The following ITGAX variants were observed in gnomAD, a reference collection of about 807,000 sequenced individuals.
The protein encoded by ITGAX is integrin alpha-X.
ITGAX carries 99 observed loss-of-function variants against 140.2 expected under a neutral mutation model. The observed-to-expected ratio is 0.71, with a 90% CI of 0.60 to 0.83. The LOEUF is 0.83. ITGAX is among the 40% of genes least tolerant of loss of function. The pLI, the probability that ITGAX is intolerant of heterozygous loss-of-function variation, is 0.00. For synonymous variants in ITGAX, 631 were observed against 600.4 expected (o/e 1.05, Z -0.75); for missense variants, 1,444 against 1,482.0 (o/e 0.97, Z 0.42).
chr16:31,372,482 CG>C lies in ITGAX; in HGVS notation c.2266del (p.Asp756MetfsTer35), dbSNP rs1567304903. ...FRNLRPMLAA[D>X]AQRYFTASLP... ...GAAACCTGCGGCCTATGCTGGCCGC[CG>C]ATGCTCAGAGATACTTCACGGCCTC... On this transcript the variant is annotated frameshift_variant, in exon 18 of 30. Coordinates refer to ENST00000268296, the MANE Select transcript of ITGAX (RefSeq NM_000887.5). LOFTEE classifies it high-confidence loss of function. The C allele has an allele frequency of 2.5e-6, 4 of 1,607,674 alleles. No homozygotes were observed. The highest frequency in any genetic ancestry group is 3.4e-6 in the Non-Finnish European group (4 of 1,178,428).
At chr16:31,380,775 T>A in intron 28 of ITGAX, 122 bp from the exon 29 acceptor site, 1 of 1,253,848 alleles carries the variant, frequency 8.0e-7, no homozygotes, top group Non-Finnish European at 1.2e-6. Flanking sequence ...GGTGCTGCTG[T>A]GTCTCACCTC....
At chr16:31,356,787 G>GAA in intron 3 of ITGAX, 59 bp downstream of exon 3, 1 of 1,284,438 alleles carries the variant, frequency 7.8e-7, no homozygotes, top group Non-Finnish European at 1.1e-6. Context: ...CTGCTCCAGG[G>GAA]GCCCGTGGAC....
At position 31,382,244 on chromosome 16, in the gene ITGAX, C is replaced by CTTTTTTTTTTTTTTTTTTTTTTTTTT; in HGVS notation, c.*341_*342insTTTTTTTTTTTTTTTTTTTTTTTTTT. 1.2e-6 allele frequency: 1 copy of CTTTTTTTTTTTTTTTTTTTTTTTTTT among 817,830 alleles called. No homozygotes were observed. The allele number at this position is 817,830 out of a possible 1,614,324, so 50.7% of individuals were successfully genotyped here. ...CTTTCCTTTCTTTTTTTTTTTTTTTCTTTTCTTTTTTTTTTTTTTGAGACG... is the reference window on the plus strand; with the variant it reads ...CTTTCCTTTCTTTTTTTTTTTTTTTCTTTTTTTTTTTTTTTTTTTTTTTTTTTTTTCTTTTTTTTTTTTTTGAGACG... On this transcript the variant is annotated 3_prime_UTR_variant, in exon 30 of 30. Transcript: ENST00000268296.
intron 20 of ITGAX, among the ~76,000 whole-genome samples, chr16:31,375,495 G>A (rs866324963): frequency 1.3e-5 from 2 of 152,180 alleles, no homozygotes; most frequent in Non-Finnish European, 2.9e-5. Flanking sequence ...GCGGTAATCT[G>A]TTATAGCAGC....
chr16:31,362,305 G>T (rs1441014671), intron 11 of ITGAX, 101 bp downstream of exon 11: 449 of 1,537,968 alleles, frequency 2.9e-4, no homozygotes, highest in South Asian at 1.5e-3. Flanking sequence ...TGCCCAGGGT[G>T]GGGTCCAGGC....
intron 5 of ITGAX, chr16:31,357,897 A>T (rs554142434): frequency 9.2e-6 from 2 of 218,086 alleles, no homozygotes; most frequent in Non-Finnish European, 1.8e-5. Context: ...GTGTGCATGT[A>T]TGTGTGTGTG....
intron 28 of ITGAX, 91 bp downstream of exon 28, chr16:31,380,715 G>C (rs575381471): frequency 4.5e-5 from 69 of 1,522,640 alleles, no homozygotes; most frequent in African/African-American, 2.2e-4. Flanking sequence ...GCAAGCCTTG[G>C]GGGAGGAGGG....
rs372710692 is a variant in ITGAX, at chr16:31,376,996, T to A, written c.2626-4T>A. 5.0e-5 allele frequency: 80 copies of A among 1,614,052 alleles called. No individual in the cohort carries two copies. The highest frequency in any genetic ancestry group is 6.7e-5 in the Non-Finnish European group (79 of 1,180,020). ...TCTGTGACCTCTCAGTTCCTTTTCC[T>A]CAGATCACCTTCTTGGCTACCTTTG... On this transcript the variant is annotated splice_polypyrimidine_tract_variant and splice_region_variant and intron_variant, in intron 21 of 29. Coordinates refer to ENST00000268296, the MANE Select transcript of ITGAX (RefSeq NM_000887.5).
chr16:31,373,352 C>A lies in ITGAX; in HGVS notation c.2470C>A (p.Pro824Thr). ...SYGTTITFSHPAGLSYRYVAE... is the reference protein window; with the variant it reads ...SYGTTITFSHTAGLSYRYVAE... ...CGGAACCACCATCACCTTCTCCCAC[C>A]CCGCAGGACTGTCCTACCGCTACGT... The change falls in exon 20 of 30, where the codon CCC becomes ACC. Residue 824 changes from proline (P) to threonine (T), a missense_variant. By Grantham distance (38) the Pro-to-Thr change is conservative. Coordinates refer to ENST00000268296, the MANE Select transcript of ITGAX (RefSeq NM_000887.5). 6.2e-7 allele frequency: 1 copy of A among 1,613,490 alleles called. No individual in the cohort carries two copies. Among genetic ancestry groups the A allele is most frequent in the Non-Finnish European group, 8.5e-7 (1 of 1,179,958 alleles).
chr16:31,363,523 T>G, intron 14 of ITGAX, 149 bp downstream of exon 14: 2 of 872,464 alleles, frequency 2.3e-6, no homozygotes, highest in East Asian at 2.6e-5. Flanking sequence ...CTCAGCTCAC[T>G]GCAACCTCCG....
At chr16:31,369,233 G>C (rs2080927504) in intron 14 of ITGAX, among the ~76,000 whole-genome samples, 1 of 150,598 alleles carries the variant, frequency 6.6e-6, no homozygotes, top group South Asian at 2.2e-4. Flanking sequence ...GGCCGGGCGG[G>C]GGGCTGACCC....
chr16:31,372,163 T>C (rs1188062716), intron 17 of ITGAX, among the ~76,000 whole-genome samples: 4 of 121,042 alleles, frequency 3.3e-5, no homozygotes, highest in Non-Finnish European at 5.2e-5. Context: ...GATCGGGAGG[T>C]CTGGGGGGGG....
chr16:31,372,177 G>A (rs1222903314), intron 17 of ITGAX, among the ~76,000 whole-genome samples: 1 of 149,556 alleles, frequency 6.7e-6, no homozygotes, highest in Non-Finnish European at 1.5e-5. Context: ...GGGGGGGGGA[G>A]GAAAAAAACA....
chr16:31,381,691 G>A, intron 29 of ITGAX, 112 bp from the exon 30 acceptor site: 1 of 746,426 alleles, frequency 1.3e-6, no homozygotes, highest in Non-Finnish European at 2.4e-6. Context: ...CTAGTGCAGT[G>A]CTTTGAACCT....
chr16:31,357,702 CTGT>C, intron 5 of ITGAX: 2 of 435,970 alleles, frequency 4.6e-6, no homozygotes, highest in Non-Finnish European at 8.0e-6. Flanking sequence ...TGAAGGCCAG[CTGT>C]TGTTATTTTT....
At position 31,380,987 on chromosome 16, in the gene ITGAX, A is replaced by G. The variant is rs1483316909; in HGVS notation, c.3367A>G (p.Ile1123Val). The stretch of plus-strand genomic sequence containing the variant: ...TGGGGGTCTGTTGCTGCTGGCACTC[A>G]TCACAGCGGTACTGTACAAAGTGAG... ...SIGGLLLLAL[I>V]TAVLYKVGFF... The change falls in exon 29 of 30, where the codon ATC becomes GTC. Residue 1123 changes from isoleucine to valine, a missense_variant. Ile to Val is a conservative substitution (Grantham distance 29, BLOSUM62 3). Coordinates refer to ENST00000268296, the MANE Select transcript of ITGAX (RefSeq NM_000887.5). The G allele has an allele frequency of 6.2e-7, 1 of 1,613,824 alleles. No individual in the cohort carries two copies. The highest frequency in any genetic ancestry group is 1.3e-5 in the African/African-American group (1 of 74,914).
chr16:31,377,395 C>T (rs2081030730), intron 23 of ITGAX, 130 bp downstream of exon 23: 4 of 691,344 alleles, frequency 5.8e-6, no homozygotes, highest in Non-Finnish European at 9.7e-6. Context: ...TCAGGTGTTT[C>T]AGCAGACACC....
At chr16:31,364,165 G>A (rs748354487) in intron 14 of ITGAX, among the ~76,000 whole-genome samples, 5 of 152,146 alleles carry the variant, frequency 3.3e-5, no homozygotes, top group Non-Finnish European at 7.3e-5. Context: ...GCTCACATCT[G>A]TAATTCCGAC....
intron 14 of ITGAX, among the ~76,000 whole-genome samples, chr16:31,369,070 G>A (rs1055545406): frequency 6.6e-6 from 1 of 151,824 alleles, no homozygotes; most frequent in South Asian, 2.1e-4. Context: ...CCCCCCTTTC[G>A]ATTCCACAAA....
Sources: allele counts gnomAD v4.1 joint callset (sites outside exome capture counted in the v4.1 genomes callset), GRCh38; gene constraint gnomAD v4.1.1; transcripts MANE v1.5; gene names NCBI Gene and HGNC (gene_info 2026-07-23, HGNC 2026-07-21).